Variants in PRR12 observed in about 807,000 individuals in gnomAD.
PRR12 encodes the protein proline rich 12.
PRR12 carries 12 observed loss-of-function variants against 138.0 expected under a neutral mutation model. The ratio of observed to expected loss-of-function variants is 0.09; its 90% CI spans 0.06 to 0.14. The LOEUF (loss-of-function observed/expected upper bound fraction) is 0.14. Among genes scored for constraint, PRR12 ranks in the 10% least tolerant of loss-of-function variants. The pLI is 1.00. For synonymous variants in PRR12, 1,567 were observed against 1,291.7 expected (o/e 1.21, Z -4.57); for missense variants, 2,692 against 2,861.3 (o/e 0.94, Z 1.35).
chr19:49,606,627 T>G (rs541601192), intron 6 of PRR12, among the ~76,000 whole-genome samples: 12 of 151,392 alleles, frequency 7.9e-5, no homozygotes, highest in African/African-American at 2.9e-4. Flanking sequence ...GCCCATTTTT[T>G]TCTTTTATAC....
Position 49,621,628 on chromosome 19 carries a change from TG to T in PRR12, c.5721+11del. ...CGCTAAGCCCAGCCCTGCAGGTGCC[TG>T]GGGGTCTGGGCAGGGGGTGTCTGGG... On this transcript the variant is annotated splice_region_variant and intron_variant, in intron 11 of 13. Coordinates refer to ENST00000418929, the MANE Select transcript of PRR12 (RefSeq NM_020719.3). 6.3e-7 allele frequency: 1 copy of T among 1,579,740 alleles called. No homozygotes were observed.
chr19:49,618,439 G>A (rs961587645), intron 9 of PRR12, among the ~76,000 whole-genome samples: 3 of 151,750 alleles, frequency 2.0e-5, no homozygotes, highest in Non-Finnish European at 2.9e-5. Flanking sequence ...AGGTTGAAGT[G>A]CAAAGTGGTG....
rs558240788 is a variant in PRR12 at position 49,598,310 on chromosome 19, G to C, written c.3678+297G>C. 7.3e-5 allele frequency among the ~76,000 whole-genome samples: 11 copies of C among 151,708 alleles called. 1 individual carries two copies. Among genetic ancestry groups the C allele is most frequent in the Non-Finnish European group, 1.3e-4 (9 of 67,916 alleles). Reference sequence around the variant, plus strand: ...AGGATGGTCTCGATCTCCTGGCCTCGTGATCCACCCGCCTCGGCCTCCCAA... The same window carrying C: ...AGGATGGTCTCGATCTCCTGGCCTCCTGATCCACCCGCCTCGGCCTCCCAA... On this transcript the variant is annotated intron_variant, in intron 4 of 13. Coordinates refer to ENST00000418929, the MANE Select transcript of PRR12 (RefSeq NM_020719.3).
Position 49,625,788 on chromosome 19 carries a change from C to T in PRR12, c.*181C>T, listed in dbSNP as rs1251347993. On this transcript the variant is annotated 3_prime_UTR_variant, in exon 14 of 14. Coordinates refer to ENST00000418929, the MANE Select transcript of PRR12 (RefSeq NM_020719.3). This position sits in a 1 kb window ranked among gnomAD's most constrained non-coding sequence, Gnocchi z 5.5. The stretch of plus-strand genomic sequence containing the variant: ...GTCCGACTCCCCCCCTCTCCCAAGC[C>T]CCCTCCACTCCCTCCCCATTCCTCC... 1 of 597,802 alleles carries T rather than the reference C, an allele frequency of 1.7e-6. No homozygotes were observed. The highest frequency in any genetic ancestry group is 3.6e-5 in the Admixed American group (1 of 27,464). The allele number at this position is 597,802 out of a possible 1,614,324, so 37.0% of individuals were successfully genotyped here. A position where few individuals can be genotyped will look rare whatever the true frequency, so the allele number is the denominator to read the frequency against.
chr19:49,602,608 AT>A (rs2080818344), intron 6 of PRR12, among the ~76,000 whole-genome samples: 1 of 152,070 alleles, frequency 6.6e-6, no homozygotes, highest in African/African-American at 2.4e-5. Flanking sequence ...CTGGAGTGCG[AT>A]GGCTCAATCT....
rs757087061 is a variant in PRR12, at chr19:49,594,719, G to A, written c.384G>A (p.Thr128=). 25 of 1,612,876 alleles carry A rather than the reference G, an allele frequency of 1.6e-5. No homozygotes were observed. Among genetic ancestry groups the A allele is most frequent in the East Asian group, 1.1e-4 (5 of 44,854 alleles). The change falls in exon 4 of 14, where the codon ACG becomes ACA. Residue 128 remains threonine (T), a synonymous_variant. Coordinates refer to ENST00000418929, the MANE Select transcript of PRR12 (RefSeq NM_020719.3). The surrounding 1 kb of genome is among the most constrained non-coding windows in gnomAD (Gnocchi z 5.6). ...WQTAMHTPGP[T]ELFISGALPG... is the part of the protein sequence containing the mutation. The stretch of plus-strand genomic sequence containing the variant: ...CAGCCATGCACACGCCAGGCCCCAC[G>A]GAGCTCTTCATCTCGGGTGCCCTGC...
chr19:49,615,949 GAGA>G lies in PRR12; in HGVS notation c.5230_5232del (p.Lys1744del). The G allele has an allele frequency of 6.4e-7, 1 of 1,553,282 alleles. No homozygotes were observed. On this transcript the variant is annotated inframe_deletion, in exon 9 of 14. Coordinates refer to ENST00000418929, the MANE Select transcript of PRR12 (RefSeq NM_020719.3). ...CCTGCGGCCTGTTGAGAAGGAAAAGGAGAAGGAGAAGGTGACACGTGGAGAGCG... is the reference window on the plus strand; with the variant it reads ...CCTGCGGCCTGTTGAGAAGGAAAAGGAGGAGAAGGTGACACGTGGAGAGCG...
chr19:49,613,794 A>G (rs913988547), intron 6 of PRR12, among the ~76,000 whole-genome samples: 7 of 152,066 alleles, frequency 4.6e-5, no homozygotes, highest in Admixed American at 6.6e-5. Flanking sequence ...CCAGAATACC[A>G]TAGACTGGGT....
intron 9 of PRR12, among the ~76,000 whole-genome samples, chr19:49,619,266 C>T (rs771223453): frequency 1.3e-4 from 16 of 122,284 alleles, no homozygotes; most frequent in Non-Finnish European, 1.9e-4. Flanking sequence ...GTCTTGCTCT[C>T]GTTGCCCAGG....
chr19:49,618,714 G>C (rs985979875), intron 9 of PRR12, among the ~76,000 whole-genome samples: 1 of 151,630 alleles, frequency 6.6e-6, no homozygotes, highest in African/African-American at 2.4e-5. Context: ...TCTACCTGTC[G>C]CCCCCACAGC....
In PRR12 at chr19:49,601,506, A is replaced by G. The variant is rs1471921688; in HGVS notation, c.4361A>G (p.Glu1454Gly). ...TCTCCCCCAGAGCCCCCGCTGCTGG[A>G]GGAGAAACCCCCACCCACTCCACCT... ...SNGTPEPPLL[E>G]EKPPPTPPPA... The change falls in exon 6 of 14, where the codon GAG becomes GGG. Residue 1454 changes from glutamate to glycine, a missense_variant. By Grantham distance (98) the Glu-to-Gly change is moderately conservative. This residue lies in a region of PRR12 where 231 missense variants were observed against 200.8 expected (regional missense o/e 1.15). Transcript: ENST00000418929. 1 of 1,508,348 alleles carries G rather than the reference A, an allele frequency of 6.6e-7. No individual in the cohort carries two copies. The highest frequency in any genetic ancestry group is 1.2e-5 in the South Asian group (1 of 81,762). The allele number at this position is 1,508,348 out of a possible 1,614,324, so 93.4% of individuals were successfully genotyped here. A position where few individuals can be genotyped will look rare whatever the true frequency, so the allele number is the denominator to read the frequency against.
At position 49,625,743 on chromosome 19, in the gene PRR12, C is replaced by G; in HGVS notation, c.*136C>G. 2 of 1,198,348 alleles carry G rather than the reference C, an allele frequency of 1.7e-6. No individual in the cohort carries two copies. Among genetic ancestry groups the G allele is most frequent in the Non-Finnish European group, 2.2e-6 (2 of 907,064 alleles). 74.2% of individuals were successfully genotyped at this position (1,198,348 alleles called of 1,614,324 possible). Reference sequence around the variant, plus strand: ...GGGTCAGGGTGTGTCTGTGCTGCCCCCTCCAGGGCAGGGTTCAAAGTCCGA... The same window carrying G: ...GGGTCAGGGTGTGTCTGTGCTGCCCGCTCCAGGGCAGGGTTCAAAGTCCGA... On this transcript the variant is annotated 3_prime_UTR_variant, in exon 14 of 14. Coordinates refer to ENST00000418929, the MANE Select transcript of PRR12 (RefSeq NM_020719.3). This position sits in a 1 kb window ranked among gnomAD's most constrained non-coding sequence, Gnocchi z 5.5.
rs768246496 is a variant in PRR12 at position 49,595,955 on chromosome 19, G to A, written c.1620G>A (p.Ala540=). Residue 540 remains alanine, a synonymous_variant, in exon 4 of 14, where the codon GCG becomes GCA. Transcript: ENST00000418929. Reference sequence around the variant, plus strand: ...GCTACAGTACCGGCCATTCCCCAGCGCTCTCGGGCCATGGGGGTGGCTGGG... The same window carrying A: ...GCTACAGTACCGGCCATTCCCCAGCACTCTCGGGCCATGGGGGTGGCTGGG... The part of the protein sequence containing the change: ...SLSYSTGHSP[A]LSGHGGGWGP... The A allele has an allele frequency of 2.7e-5, 44 of 1,600,606 alleles. No homozygotes were observed. The highest frequency in any genetic ancestry group is 8.0e-5 in the African/African-American group (6 of 74,896).
At chr19:49,598,285 A>G (rs28720835) in intron 4 of PRR12, among the ~76,000 whole-genome samples, 9,313 of 151,918 alleles carry the variant, frequency 0.061, 317 homozygotes, top group South Asian at 0.12. Flanking sequence ...CGTATTAGTC[A>G]GGATGGTCTC....
intron 6 of PRR12, among the ~76,000 whole-genome samples, 184 bp downstream of exon 6, chr19:49,602,102 T>C (rs935374272): frequency 6.6e-6 from 1 of 152,214 alleles, no homozygotes; most frequent in Non-Finnish European, 1.5e-5. Context: ...GAGGTGTTAT[T>C]TGCGTTTGTG....
Position 49,622,444 on chromosome 19 carries a change from T to C in PRR12, c.5721+822T>C, listed in dbSNP as rs180936893. ...CCCGTCTCTACTCAAAATAAAAAATTAGCTGGGCGTGGTGGTGGGCACCTG... is the reference window on the plus strand; with the variant it reads ...CCCGTCTCTACTCAAAATAAAAAATCAGCTGGGCGTGGTGGTGGGCACCTG... On this transcript the variant is annotated intron_variant, in intron 11 of 13. Transcript: ENST00000418929. Among the ~76,000 whole-genome samples the C allele has an allele frequency of 6.7e-4, 101 of 151,158 alleles. No individual in the cohort carries two copies. The Middle Eastern group carries it at 0.014, about 21-fold the overall frequency.
rs763895311 is a variant in PRR12, at chr19:49,616,999, G to T, written c.5497+780G>T. On this transcript the variant is annotated intron_variant, in intron 9 of 13. Transcript: ENST00000418929. The surrounding 1 kb of genome is among the most constrained non-coding windows in gnomAD (Gnocchi z 4.2). ...ACAAAAATTAGCCCAGCATGGTGGC[G>T]TGTGCCTGTAATCCCAGCTACTCAA... Among the ~76,000 whole-genome samples the T allele has an allele frequency of 1.3e-5, 2 of 152,002 alleles. No homozygotes were observed. Among genetic ancestry groups the T allele is most frequent in the African/African-American group, 4.8e-5 (2 of 41,398 alleles).
intron 8 of PRR12, 70 bp from the exon 9 acceptor site, chr19:49,615,677 G>GC (rs2080888349): frequency 1.5e-6 from 2 of 1,326,950 alleles, no homozygotes; most frequent in Middle Eastern, 2.0e-4. Context: ...AGGGCACTGA[G>GC]CAGGGACCCT....
chr19:49,622,922 T>TAG lies in PRR12; in HGVS notation c.5721+1301_5721+1302insGA, dbSNP rs1430610334. On this transcript the variant is annotated intron_variant, in intron 11 of 13. Coordinates refer to ENST00000418929, the MANE Select transcript of PRR12 (RefSeq NM_020719.3). ...AAAAACAAAAACATATATATATATA[T>TAG]ATATATAGAGAGAGAGAGAGAGAGA... Among the ~76,000 whole-genome samples, 159 of 83,040 alleles carry TAG rather than the reference T, an allele frequency of 1.9e-3. 1 individual carries two copies. Among genetic ancestry groups the TAG allele is most frequent in the Admixed American group, 0.01 (96 of 9,216 alleles). The allele number at this position is 83,040 out of a possible 152,430, so 54.5% of individuals were successfully genotyped here.
Sources: allele counts gnomAD v4.1 joint callset (sites outside exome capture counted in the v4.1 genomes callset), GRCh38; gene constraint gnomAD v4.1.1; regional missense constraint gnomAD v4.1.1; non-coding constraint Gnocchi (gnomAD v3.1); transcripts MANE v1.5; gene names NCBI Gene and HGNC (gene_info 2026-07-23, HGNC 2026-07-21).